HIPK1: variants seen among roughly 807,000 people sequenced by gnomAD.
The protein encoded by HIPK1 is homeodomain-interacting protein kinase 1.
A neutral mutation model predicts 117.1 loss-of-function variants in HIPK1; 28 were observed. The ratio of observed to expected loss-of-function variants is 0.24; its 90% CI spans 0.18 to 0.33. The LOEUF is 0.33. HIPK1 is among the 10% of genes least tolerant of loss of function. The pLI, the probability that HIPK1 is intolerant of heterozygous loss-of-function variation, is 1.00. For synonymous variants in HIPK1, 605 were observed against 562.5 expected (o/e 1.08, Z -1.07); for missense variants, 1,122 against 1,475.1 (o/e 0.76, Z 3.92).
Position 113,954,777 on chromosome 1 carries a change from C to T in HIPK1, c.1320+7C>T. On this transcript the variant is annotated splice_region_variant and intron_variant, in intron 4 of 15. Coordinates refer to ENST00000426820, the MANE Select transcript of HIPK1 (RefSeq NM_198268.3). Reference sequence around the variant, plus strand: ...CCCACTGTGGAGGCTTAAGGTCTGTCTTCCCTACTATGCTTCCGACTCCTG... The same window carrying T: ...CCCACTGTGGAGGCTTAAGGTCTGTTTTCCCTACTATGCTTCCGACTCCTG... 1 of 1,612,654 alleles carries T rather than the reference C, an allele frequency of 6.2e-7. No individual in the cohort carries two copies. The highest frequency in any genetic ancestry group is 8.5e-7 in the Non-Finnish European group (1 of 1,178,850).
chr1:113,973,722 A>T lies in HIPK1; in HGVS notation c.*210A>T. The T allele has an allele frequency of 2.3e-6, 1 of 444,142 alleles. No individual in the cohort carries two copies. The allele number at this position is 444,142 out of a possible 1,614,324, so 27.5% of individuals were successfully genotyped here. A position where few individuals can be genotyped will look rare whatever the true frequency, so the allele number is the denominator to read the frequency against. On this transcript the variant is annotated 3_prime_UTR_variant, in exon 16 of 16. Coordinates refer to ENST00000426820, the MANE Select transcript of HIPK1 (RefSeq NM_198268.3). ...TTGTAGTCTTCCCAAAGTTTGCCCT[A>T]TTTTTAAATTCATTATTTTTGTGAC...
chr1:113,973,165 C>T lies in HIPK1; in HGVS notation c.3286C>T (p.Pro1096Ser). 1 of 1,609,252 alleles carries T rather than the reference C, an allele frequency of 6.2e-7. No homozygotes were observed. Among genetic ancestry groups the T allele is most frequent in the Non-Finnish European group, 8.5e-7 (1 of 1,177,564 alleles). ...CAGCCCGCTACACTCGACAGGGCAC[C>T]CACACCTTGCCCCGGCCCCTGCTCA... is the stretch of plus-strand genomic sequence containing the variant. ...HGSPLHSTGH[P>S]HLAPAPAHLP... The change falls in exon 16 of 16, where the codon CCA (proline) becomes TCA (serine). Residue 1096 changes from proline to serine, a missense_variant. By Grantham distance (74) the Pro-to-Ser change is moderately conservative (BLOSUM62 -1). Coordinates refer to ENST00000426820, the MANE Select transcript of HIPK1 (RefSeq NM_198268.3).
At chr1:113,966,836 C>CT (rs78432266) in intron 11 of HIPK1, among the ~76,000 whole-genome samples, 3,243 of 139,238 alleles carry the variant, frequency 0.023, 51 homozygotes, top group East Asian at 0.062. Context: ...AGTTCTTATT[C>CT]TTTTTTTTTT....
chr1:113,965,640 A>G (rs1345412125), intron 10 of HIPK1, among the ~76,000 whole-genome samples: 1 of 152,162 alleles, frequency 6.6e-6, no homozygotes, highest in African/African-American at 2.4e-5. Flanking sequence ...CCATTTTCCA[A>G]ATACTACCCT....
At position 113,973,635 on chromosome 1, in the gene HIPK1, A is replaced by G; in HGVS notation, c.*123A>G. ...TTTCTTAGCCAGCAACTTGTTCTGC[A>G]GGGGCCCACTGAAGCAGAAGGTTTT... On this transcript the variant is annotated 3_prime_UTR_variant, in exon 16 of 16. Transcript: ENST00000426820. 1 of 1,156,884 alleles carries G rather than the reference A, an allele frequency of 8.6e-7. No homozygotes were observed. Among genetic ancestry groups the G allele is most frequent in the Non-Finnish European group, 1.2e-6 (1 of 839,930 alleles). The allele number at this position is 1,156,884 out of a possible 1,614,324, so 71.7% of individuals were successfully genotyped here. A position where few individuals can be genotyped will look rare whatever the true frequency, so the allele number is the denominator to read the frequency against.
In HIPK1 at chr1:113,967,823, G is replaced by C. The variant is rs1332541944; in HGVS notation, c.2439G>C (p.Leu813=). 2.5e-6 allele frequency: 4 copies of C among 1,611,238 alleles called. No homozygotes were observed. The highest frequency in any genetic ancestry group is 2.5e-6 in the Non-Finnish European group (3 of 1,179,304). ...CTATCATGCAGCAGCCATCCTTGCT[G>C]ACTAACCATGTGACATTGGCCACTG... The part of the protein sequence containing the change: ...YSTIMQQPSL[L]TNHVTLATAQ... Residue 813 remains leucine (L), a synonymous_variant, in exon 12 of 16, where the codon CTG becomes CTC. Coordinates refer to ENST00000426820, the MANE Select transcript of HIPK1 (RefSeq NM_198268.3).
chr1:113,933,783 A>C (rs1294528718), intron 1 of HIPK1, among the ~76,000 whole-genome samples: 6 of 152,024 alleles, frequency 3.9e-5, no homozygotes, highest in East Asian at 1.9e-4. Context: ...AGGAGGGTGG[A>C]TTGAGCCCTG....
At chr1:113,972,143 G>C (rs1262945802) in intron 15 of HIPK1, 189 bp downstream of exon 15, 1 of 1,484,702 alleles carries the variant, frequency 6.7e-7, no homozygotes, top group Non-Finnish European at 9.0e-7. Flanking sequence ...AGTGTGTTCA[G>C]GATGTACATT....
Position 113,971,835 on chromosome 1 carries a change from A to T in HIPK1, c.3025A>T (p.Asn1009Tyr), listed in dbSNP as rs767570211. Residue 1009 changes from asparagine to tyrosine, a missense_variant, in exon 15 of 16, where the codon AAT (asparagine) becomes TAT (tyrosine). Asn to Tyr is a moderately radical substitution (Grantham distance 143). This residue lies in a region of HIPK1 where 731 missense variants were observed against 860.4 expected (regional missense o/e 0.85). Coordinates refer to ENST00000426820, the MANE Select transcript of HIPK1 (RefSeq NM_198268.3). ...VATQASGLLS[N>Y]KTKPVASVSG... The stretch of plus-strand genomic sequence containing the variant: ...TGGTGCTTTTTTAGGTCTCCTGAGC[A>T]ATAAGACTAAGCCAGTCGCTTCAGT... The T allele has an allele frequency of 1.9e-5, 30 of 1,594,368 alleles. No homozygotes were observed. The highest frequency in any genetic ancestry group is 2.7e-5 in the African/African-American group (2 of 73,734).
Position 113,969,950 on chromosome 1 carries a change from C to T in HIPK1, c.2772-6C>T. The T allele has an allele frequency of 6.2e-7, 1 of 1,613,722 alleles. No homozygotes were observed. Among genetic ancestry groups the T allele is most frequent in the Non-Finnish European group, 8.5e-7 (1 of 1,179,712 alleles). ...TTCAATTTTCATGTATTTTTCTTTT[C>T]CTCAGCTCTGGACTGAAGCCAAGGT... On this transcript the variant is annotated splice_polypyrimidine_tract_variant and splice_region_variant and intron_variant, in intron 13 of 15. Transcript: ENST00000426820.
At chr1:113,929,560 A>C (rs551690271) in intron 1 of HIPK1, 28 bp downstream of exon 1, 64 of 1,278,140 alleles carry the variant, frequency 5.0e-5, no homozygotes, top group East Asian at 1.7e-4. Flanking sequence ...GGGCGGGTGA[A>C]TAGTTCCGGC....
At chr1:113,952,015 T>C (rs1434564247) in intron 2 of HIPK1, among the ~76,000 whole-genome samples, 1 of 147,472 alleles carries the variant, frequency 6.8e-6, no homozygotes, top group Non-Finnish European at 1.5e-5. Flanking sequence ...CTTGGCTTAC[T>C]GCAACCTCTA....
At chr1:113,931,109 A>C (rs1345455903) in intron 1 of HIPK1, among the ~76,000 whole-genome samples, 1 of 151,570 alleles carries the variant, frequency 6.6e-6, no homozygotes, top group Non-Finnish European at 1.5e-5. Context: ...TGATGCCCTC[A>C]GCAAACCTAC....
At chr1:113,964,677 C>G (rs1256356717) in intron 10 of HIPK1, among the ~76,000 whole-genome samples, 1 of 152,228 alleles carries the variant, frequency 6.6e-6, no homozygotes, top group Non-Finnish European at 1.5e-5. Flanking sequence ...AAGTCTTTGT[C>G]ACTTCCAGAT....
intron 10 of HIPK1, among the ~76,000 whole-genome samples, chr1:113,964,386 A>C (rs893256114): frequency 1.3e-5 from 2 of 152,196 alleles, no homozygotes; most frequent in African/African-American, 2.4e-5. Flanking sequence ...AAAAACAACC[A>C]AGACTTTGAG....
Position 113,973,152 on chromosome 1 carries a change from C to A in HIPK1, c.3273C>A (p.His1091Gln). 1 of 1,606,324 alleles carries A rather than the reference C, an allele frequency of 6.2e-7. No homozygotes were observed. Among genetic ancestry groups the A allele is most frequent in the Non-Finnish European group, 8.5e-7 (1 of 1,176,080 alleles). The stretch of plus-strand genomic sequence containing the variant: ...CCTTCCAGCATGGCAGCCCGCTACA[C>A]TCGACAGGGCACCCACACCTTGCCC... ...PYTFQHGSPL[H>Q]STGHPHLAPA... is the part of the protein sequence containing the mutation. Residue 1091 changes from histidine (H) to glutamine (Q), a missense_variant, in exon 16 of 16, where the codon CAC becomes CAA. By Grantham distance (24) the His-to-Gln change is conservative. Around this residue, in one of 6 missense-constraint regions of HIPK1, gnomAD observed 731 missense variants for 860.4 expected, o/e 0.85. Coordinates refer to ENST00000426820, the MANE Select transcript of HIPK1 (RefSeq NM_198268.3).
chr1:113,940,362 C>T lies in HIPK1; in HGVS notation c.-2-20C>T, dbSNP rs1670567245. The T allele has an allele frequency of 6.5e-7, 1 of 1,546,332 alleles. No homozygotes were observed. The highest frequency in any genetic ancestry group is 8.7e-7 in the Non-Finnish European group (1 of 1,146,774). On this transcript the variant is annotated intron_variant, in intron 1 of 15. Coordinates refer to ENST00000426820, the MANE Select transcript of HIPK1 (RefSeq NM_198268.3). ...TATCTTTTATCCTTGTGGTCTAATT[C>T]TTCCTTTCTCTCAATATAGGTATGG...
chr1:113,972,455 T>C (rs1447019848), intron 15 of HIPK1, among the ~76,000 whole-genome samples: 1 of 152,220 alleles, frequency 6.6e-6, no homozygotes, highest in Non-Finnish European at 1.5e-5. Context: ...ACCCTTCTGC[T>C]TCTCTCATTA....
chr1:113,930,530 C>G (rs919259199), intron 1 of HIPK1: 1 of 152,198 alleles, frequency 6.6e-6, no homozygotes, highest in African/African-American at 2.4e-5. Context: ...ATCTAGAGGT[C>G]TGGCCCAAAG....
Sources: gnomAD v4.1 joint callset for allele counts (sites outside exome capture counted in the v4.1 genomes callset) on GRCh38, gnomAD v4.1.1 for gene constraint, gnomAD v4.1.1 regional missense constraint, MANE v1.5 for transcripts, NCBI Gene and HGNC (gene_info 2026-07-23, HGNC 2026-07-21) for gene names.